The following PRTG variants were observed in gnomAD, a reference collection of about 807,000 sequenced individuals.
The protein encoded by PRTG is protogenin.
In PRTG, 67 loss-of-function variants were observed where a neutral mutation model predicts 122.5. The observed-to-expected ratio is 0.55, with a 90% confidence interval of 0.45 to 0.67. The LOEUF is 0.67. Among genes scored for constraint, PRTG ranks in the 30% least tolerant of loss-of-function variants. The pLI is 0.00. For missense variants in PRTG, 1,435 were observed against 1,415.4 expected (o/e 1.01, Z -0.22); for synonymous variants, 554 against 501.1 (o/e 1.11, Z -1.41).
At chr15:55,623,344 G>GT (rs1192885263) in intron 18 of PRTG, among the ~76,000 whole-genome samples, 2 of 152,162 alleles carry the variant, frequency 1.3e-5, no homozygotes, top group African/African-American at 4.8e-5. Context: ...AAGGCGGGCA[G>GT]ATCATCTGAG....
At chr15:55,667,484 T>C (rs1301800460) in intron 11 of PRTG, among the ~76,000 whole-genome samples, 1 of 152,122 alleles carries the variant, frequency 6.6e-6, no homozygotes, top group Non-Finnish European at 1.5e-5. Context: ...CATTTTAAGA[T>C]ACTGCAGAGA....
chr15:55,720,633 G>A (rs1227880505), intron 2 of PRTG, among the ~76,000 whole-genome samples: 2 of 152,104 alleles, frequency 1.3e-5, no homozygotes. Flanking sequence ...GGGCCCCCAT[G>A]CTGCTTGCTC....
chr15:55,637,474 A>G (rs2059264365), intron 14 of PRTG, 134 bp from the exon 15 acceptor site: 1 of 581,490 alleles, frequency 1.7e-6, no homozygotes, highest in South Asian at 4.6e-5. Context: ...TTCAAAGATC[A>G]TTAGTGATAA....
chr15:55,739,859 G>C (rs1460076917), intron 2 of PRTG, among the ~76,000 whole-genome samples: 1 of 152,140 alleles, frequency 6.6e-6, no homozygotes, highest in Non-Finnish European at 1.5e-5. Context: ...AAAAGACTAG[G>C]AATACTTCAA....
At chr15:55,688,774 C>A (rs2059584479) in intron 2 of PRTG, among the ~76,000 whole-genome samples, 1 of 152,210 alleles carries the variant, frequency 6.6e-6, no homozygotes, top group African/African-American at 2.4e-5. Flanking sequence ...GCAGAGGTTG[C>A]AGTGAGCTGA....
chr15:55,678,785 T>C (rs1443386753), intron 7 of PRTG, among the ~76,000 whole-genome samples: 2 of 152,204 alleles, frequency 1.3e-5, no homozygotes, highest in East Asian at 1.9e-4. Context: ...TTATAGTGTG[T>C]ACATAGAATT....
chr15:55,636,516 C>T lies in PRTG; in HGVS notation c.2623+654G>A, dbSNP rs375237874. ...ATTTTAACTCCCAAATACCGGCCAACCATCCTATCCTTTCCATCTTAATCC... is the reference window on the plus strand; with the variant it reads ...ATTTTAACTCCCAAATACCGGCCAATCATCCTATCCTTTCCATCTTAATCC... On this transcript the variant is annotated intron_variant, in intron 15 of 19. Coordinates refer to ENST00000389286, the MANE Select transcript of PRTG (RefSeq NM_173814.6). Among the ~76,000 whole-genome samples the T allele has an allele frequency of 2.6e-5, 4 of 152,244 alleles. No homozygotes were observed. In the East Asian group the frequency reaches 7.7e-4, roughly 29 times the overall value.
At chr15:55,695,895 T>C (rs2059629382) in intron 2 of PRTG, among the ~76,000 whole-genome samples, 1 of 152,142 alleles carries the variant, frequency 6.6e-6, no homozygotes, top group South Asian at 2.1e-4. Context: ...CACTTAAGCC[T>C]GGGAGGCAGA....
chr15:55,649,512 C>T (rs567241371), intron 11 of PRTG, among the ~76,000 whole-genome samples: 18 of 152,092 alleles, frequency 1.2e-4, no homozygotes, highest in Middle Eastern at 3.4e-3. Flanking sequence ...TAGTGGGGCA[C>T]GGTGGCTCAC....
chr15:55,681,601 TTTTA>T (rs1346224349), intron 4 of PRTG: 9 of 152,308 alleles, frequency 5.9e-5, no homozygotes, highest in Non-Finnish European at 1.0e-4. Flanking sequence ...ATTTTTTAAC[TTTTA>T]TTTTTGTGTT....
At chr15:55,651,505 ATGAAGAGTAAGTACTGCCTGAT>A (rs1233998090) in intron 11 of PRTG, among the ~76,000 whole-genome samples, 1 of 152,116 alleles carries the variant, frequency 6.6e-6, no homozygotes, top group East Asian at 1.9e-4. Flanking sequence ...CCCCAATACC[ATGAAGAGTAAGTACTGCCTGAT>A]TGAAGATGAA....
intron 6 of PRTG, 107 bp from the exon 7 acceptor site, chr15:55,679,552 C>T (rs985079932): frequency 4.1e-5 from 32 of 774,226 alleles, no homozygotes; most frequent in Non-Finnish European, 2.2e-5. Context: ...CTGAAGATGC[C>T]TGACATGCTG....
At chr15:55,732,115 T>C (rs1433767338) in intron 2 of PRTG, among the ~76,000 whole-genome samples, 3 of 152,238 alleles carry the variant, frequency 2.0e-5, no homozygotes, top group Admixed American at 6.5e-5. Context: ...TATCATCTTA[T>C]AGAACAGAAC....
At chr15:55,714,153 G>GT (rs1186703582) in intron 2 of PRTG, among the ~76,000 whole-genome samples, 2 of 151,842 alleles carry the variant, frequency 1.3e-5, no homozygotes, top group African/African-American at 2.4e-5. Context: ...TGAACTCACT[G>GT]TAACACCCTG....
chr15:55,623,578 A>G lies in PRTG; in HGVS notation c.3093+764T>C, dbSNP rs547655126. On this transcript the variant is annotated intron_variant, in intron 18 of 19. Transcript: ENST00000389286. The stretch of plus-strand genomic sequence containing the variant: ...TGAAACTCCATCTTAAAAAAAAAGT[A>G]AAAAACAGTCTTAGCTCAGAAGGTA... Among the ~76,000 whole-genome samples the G allele has an allele frequency of 6.6e-5, 10 of 152,242 alleles. No homozygotes were observed. The South Asian group carries it at 1.9e-3, about 28-fold the overall frequency.
chr15:55,645,594 C>T (rs550759196), intron 11 of PRTG, among the ~76,000 whole-genome samples: 4 of 151,710 alleles, frequency 2.6e-5, no homozygotes, highest in Non-Finnish European at 5.9e-5. Flanking sequence ...GAGTTTAGGA[C>T]CAATATGTTA....
intron 2 of PRTG, among the ~76,000 whole-genome samples, chr15:55,701,317 A>G (rs563343035): frequency 1.3e-5 from 2 of 152,282 alleles, no homozygotes; most frequent in South Asian, 4.1e-4. Context: ...CGGGTGGATC[A>G]TGAGGTCAGG....
At chr15:55,644,177 G>A (rs1439228446) in intron 11 of PRTG, among the ~76,000 whole-genome samples, 1 of 152,220 alleles carries the variant, frequency 6.6e-6, no homozygotes, top group Admixed American at 6.5e-5. Context: ...TTAATTAGAA[G>A]AGGGTCTTTA....
rs1380162079 is a variant in PRTG, at chr15:55,679,407, T to G, written c.1012A>C (p.Arg338=). 6.2e-7 allele frequency: 1 copy of G among 1,612,684 alleles called. No individual in the cohort carries two copies. The highest frequency in any genetic ancestry group is 1.1e-5 in the South Asian group (1 of 90,750). Residue 338 remains arginine (R), a synonymous_variant, in exon 7 of 20, where the codon AGG becomes CGG. Transcript: ENST00000389286. ...SFVEWPESLT[R]PRAGTARFVC... is the part of the protein sequence containing the mutation. ...AATCGAGCAGTGCCAGCTCGAGGCC[T>G]TGTTAAACTTTCTGGCCATTCAACA...
Sources: allele counts gnomAD v4.1 joint callset (sites outside exome capture counted in the v4.1 genomes callset), GRCh38; gene constraint gnomAD v4.1.1; transcripts MANE v1.5; gene names NCBI Gene and HGNC (gene_info 2026-07-23, HGNC 2026-07-21).